CSMD1: variants seen among roughly 807,000 people sequenced by gnomAD.
The protein encoded by CSMD1 is CUB and sushi domain-containing protein 1.
A neutral mutation model predicts 417.5 loss-of-function variants in CSMD1; 213 were observed. That is an observed-to-expected ratio of 0.51 (90% CI 0.46 to 0.57). CSMD1 has a LOEUF of 0.57. Among genes scored for constraint, CSMD1 ranks in the 20% least tolerant of loss-of-function variants. The pLI, the probability that CSMD1 is intolerant of heterozygous loss-of-function variation, is 0.00. For missense variants in CSMD1, 6,923 were observed against 4,529.7 expected (o/e 1.53, Z -15.17); for synonymous variants, 2,862 against 1,736.8 (o/e 1.65, Z -16.11).
At chr8:4,286,504 A>G (rs1471187670) in intron 3 of CSMD1, among the ~76,000 whole-genome samples, 1 of 152,100 alleles carries the variant, frequency 6.6e-6, no homozygotes, top group African/African-American at 2.4e-5. Flanking sequence ...GTGGCACAGG[A>G]AGGAAGACAC....
chr8:4,822,518 T>A (rs1799578719), intron 1 of CSMD1, among the ~76,000 whole-genome samples: 1 of 152,138 alleles, frequency 6.6e-6, no homozygotes. Flanking sequence ...GGCCACAGGA[T>A]AACTAGGCAG....
chr8:3,941,774 T>G (rs1223641827), intron 5 of CSMD1, among the ~76,000 whole-genome samples: 1 of 152,172 alleles, frequency 6.6e-6, no homozygotes, highest in South Asian at 2.1e-4. Flanking sequence ...ACACAATTCT[T>G]TGATTCCAAT....
intron 1 of CSMD1, among the ~76,000 whole-genome samples, chr8:4,718,948 A>T (rs1045716612): frequency 6.6e-5 from 10 of 152,190 alleles, no homozygotes; most frequent in African/African-American, 2.2e-4. Context: ...TGACAGGAAA[A>T]ATGAGAACGT....
chr8:4,359,158 A>G (rs951672996), intron 3 of CSMD1, among the ~76,000 whole-genome samples: 3 of 152,182 alleles, frequency 2.0e-5, no homozygotes, highest in Non-Finnish European at 2.9e-5. Context: ...TCGGTCACTA[A>G]TAAGTTACTT....
At chr8:4,506,424 A>G (rs1330021981) in intron 2 of CSMD1, among the ~76,000 whole-genome samples, 1 of 152,144 alleles carries the variant, frequency 6.6e-6, no homozygotes, top group African/African-American at 2.4e-5. Context: ...GCCGCACTTC[A>G]GGCCTAGCCC....
In CSMD1 at chr8:3,302,972, G is replaced by C. The variant is rs374880316; in HGVS notation, c.3950+4723C>G. On this transcript the variant is annotated intron_variant, in intron 25 of 69. Transcript: ENST00000635120. ...CACCCATGACCAGCAACTGCTCCCA[G>C]AGCCCCAGGTTAAAGGGGGTCTGGA... 2.6e-5 allele frequency among the ~76,000 whole-genome samples: 4 copies of C among 152,212 alleles called. No individual in the cohort carries two copies. In the East Asian group the frequency reaches 5.8e-4, roughly 22 times the overall value.
chr8:4,380,071 A>C (rs539578436), intron 3 of CSMD1, among the ~76,000 whole-genome samples: 162 of 152,344 alleles, frequency 1.1e-3, no homozygotes, highest in Non-Finnish European at 1.6e-3. Context: ...ATGAAGATAA[A>C]TGATTGGGAT....
intron 65 of CSMD1, among the ~76,000 whole-genome samples, chr8:2,952,537 AAG>A (rs1802706713): frequency 6.6e-6 from 1 of 152,184 alleles, no homozygotes; most frequent in African/African-American, 2.4e-5. Context: ...ATATCCACAC[AAG>A]TATCTAACAC....
chr8:4,233,345 G>T (rs10108686), intron 3 of CSMD1, among the ~76,000 whole-genome samples: 65,418 of 152,110 alleles, frequency 0.43, 15,617 homozygotes, highest in Non-Finnish European at 0.55. Flanking sequence ...CATATTAAAA[G>T]TACCTACATT....
intron 3 of CSMD1, among the ~76,000 whole-genome samples, chr8:4,412,057 C>G (rs1477645504): frequency 2.6e-5 from 4 of 151,308 alleles, no homozygotes; most frequent in Non-Finnish European, 5.9e-5. Flanking sequence ...CAATGTGCCT[C>G]TGATATAGTT....
intron 7 of CSMD1, among the ~76,000 whole-genome samples, chr8:3,700,147 T>C (rs930824973): frequency 6.6e-6 from 1 of 152,142 alleles, no homozygotes; most frequent in African/African-American, 2.4e-5. Flanking sequence ...ACAACAAATA[T>C]GGTGCAGCGT....
At chr8:4,083,006 G>A (rs982950359) in intron 3 of CSMD1, among the ~76,000 whole-genome samples, 3 of 151,906 alleles carry the variant, frequency 2.0e-5, no homozygotes, top group African/African-American at 7.2e-5. Flanking sequence ...TCTTAATCCA[G>A]TCTATCATTG....
intron 14 of CSMD1, among the ~76,000 whole-genome samples, chr8:3,406,422 G>C (rs1278022250): frequency 1.3e-5 from 2 of 152,146 alleles, no homozygotes; most frequent in African/African-American, 2.4e-5. Context: ...CGAGCAGGGA[G>C]ATGAACAAAT....
At chr8:4,811,836 T>C (rs1292574809) in intron 1 of CSMD1, among the ~76,000 whole-genome samples, 1 of 152,238 alleles carries the variant, frequency 6.6e-6, no homozygotes, top group East Asian at 1.9e-4. Context: ...TGATTTTTTT[T>C]CTTCTATGAG....
chr8:4,852,606 A>G (rs1801542844), intron 1 of CSMD1, among the ~76,000 whole-genome samples: 1 of 152,216 alleles, frequency 6.6e-6, no homozygotes, highest in Non-Finnish European at 1.5e-5. Context: ...GGATGTTGCT[A>G]TAAAGATACT....
At chr8:4,409,024 C>T (rs1002924862) in intron 3 of CSMD1, among the ~76,000 whole-genome samples, 1 of 152,154 alleles carries the variant, frequency 6.6e-6, no homozygotes, top group African/African-American at 2.4e-5. Flanking sequence ...AAACAAATAT[C>T]TGTATCACTT....
intron 54 of CSMD1, among the ~76,000 whole-genome samples, chr8:2,990,255 G>T (rs552589527): frequency 1.2e-4 from 18 of 152,178 alleles, no homozygotes; most frequent in Non-Finnish European, 2.5e-4. Context: ...TCGCCATTCC[G>T]GTCCTCATAG....
intron 55 of CSMD1, among the ~76,000 whole-genome samples, chr8:2,975,713 T>A (rs1353619240): frequency 6.6e-6 from 1 of 152,114 alleles, no homozygotes; most frequent in Non-Finnish European, 1.5e-5. Context: ...TAACCTTCAG[T>A]GAAACAATAT....
chr8:4,465,102 G>C (rs1371551177), intron 2 of CSMD1, among the ~76,000 whole-genome samples: 1 of 152,158 alleles, frequency 6.6e-6, no homozygotes, highest in Non-Finnish European at 1.5e-5. Context: ...TTCACTGGGA[G>C]ACACTAACAG....
Sources: allele counts gnomAD v4.1 joint callset (sites outside exome capture counted in the v4.1 genomes callset), GRCh38; gene constraint gnomAD v4.1.1; transcripts MANE v1.5; gene names NCBI Gene and HGNC (gene_info 2026-07-23, HGNC 2026-07-21).